The following SYNE1 variants were observed in gnomAD, a reference collection of about 807,000 sequenced individuals.
SYNE1 encodes spectrin repeat containing nuclear envelope protein 1, also known as nesprin-1.
In SYNE1, 616 loss-of-function variants were observed where a neutral mutation model predicts 1,111.0. That is an observed-to-expected ratio of 0.55 (90% CI 0.52 to 0.59). The LOEUF is 0.59. Among genes scored for constraint, SYNE1 ranks in the 20% least tolerant of loss-of-function variants. SYNE1 has a pLI of 0.00. For missense variants in SYNE1, 10,006 were observed against 10,417.0 expected (o/e 0.96, Z 1.72); for synonymous variants, 3,855 against 3,825.8 (o/e 1.01, Z -0.28).
At chr6:152,261,027 T>A (rs1417264653) in intron 101 of SYNE1, among the ~76,000 whole-genome samples, 1 of 152,158 alleles carries the variant, frequency 6.6e-6, no homozygotes, top group Non-Finnish European at 1.5e-5. Context: ...GCGCCTGCTT[T>A]CTAATGCCTA....
intron 130 of SYNE1, among the ~76,000 whole-genome samples, chr6:152,165,603 T>G (rs1005300698): frequency 1.3e-5 from 2 of 152,244 alleles, no homozygotes; most frequent in African/African-American, 4.8e-5. Context: ...TCACAATATA[T>G]TCTTTTGGTA....
chr6:152,432,994 C>T (rs138279677), intron 34 of SYNE1, among the ~76,000 whole-genome samples: 17 of 151,676 alleles, frequency 1.1e-4, no homozygotes, highest in Admixed American at 7.9e-4. Flanking sequence ...CACATGGTAA[C>T]GACTTGTTCT....
At chr6:152,565,364 C>T (rs2099409543) in intron 3 of SYNE1, among the ~76,000 whole-genome samples, 1 of 152,128 alleles carries the variant, frequency 6.6e-6, no homozygotes, top group African/African-American at 2.4e-5. Flanking sequence ...GGCCCACAAC[C>T]TAGTATTCAT....
chr6:152,392,380 C>T (rs1003838820), intron 51 of SYNE1, among the ~76,000 whole-genome samples: 6 of 152,118 alleles, frequency 3.9e-5, no homozygotes, highest in Admixed American at 6.6e-5. Context: ...AAGGGGAAAA[C>T]GTAAGCACTA....
intron 135 of SYNE1, among the ~76,000 whole-genome samples, chr6:152,151,180 C>T (rs373403637): frequency 1.2e-3 from 179 of 151,750 alleles, no homozygotes; most frequent in African/African-American, 4.1e-3. Context: ...CAAGATTGCG[C>T]CACTGCACTT....
intron 127 of SYNE1, among the ~76,000 whole-genome samples, chr6:152,196,165 C>T (rs1206703362): frequency 6.6e-6 from 1 of 152,156 alleles, no homozygotes; most frequent in Non-Finnish European, 1.5e-5. Context: ...GGAACTTACC[C>T]TTCAGGGGAG....
chr6:152,258,192 T>G (rs2091293904), intron 101 of SYNE1, among the ~76,000 whole-genome samples: 1 of 152,196 alleles, frequency 6.6e-6, no homozygotes, highest in African/African-American at 2.4e-5. Flanking sequence ...TAGCTGATAT[T>G]CCCAAACATG....
intron 3 of SYNE1, among the ~76,000 whole-genome samples, chr6:152,552,814 T>C (rs2099351959): frequency 6.6e-6 from 1 of 152,128 alleles, no homozygotes; most frequent in South Asian, 2.1e-4. Flanking sequence ...GCTTCAGATC[T>C]AGCGTGGCGT....
intron 124 of SYNE1, among the ~76,000 whole-genome samples, chr6:152,210,395 T>G (rs1424986611): frequency 6.6e-6 from 1 of 152,218 alleles, no homozygotes; most frequent in Non-Finnish European, 1.5e-5. Context: ...AGATAAAAGT[T>G]AATTGTATTT....
intron 3 of SYNE1, among the ~76,000 whole-genome samples, chr6:152,577,600 T>C (rs1259450421): frequency 6.6e-6 from 1 of 151,958 alleles, no homozygotes; most frequent in East Asian, 1.9e-4. Flanking sequence ...GCCACTGCAC[T>C]CCAGCCTGGG....
In SYNE1 at chr6:152,300,669, A is replaced by C; in HGVS notation, c.17654T>G (p.Val5885Gly). ...SPPACRSPSP[V>G]ANTDASVNQD... ...GTTAACAGAAGCATCTGTATTAGCC[A>C]CAGGTGAAGGGGAGCGACAGGCAGG... Residue 5885 changes from valine to glycine, a missense_variant, in exon 93 of 146, where the codon GTG becomes GGG. Physicochemically the swap from Val to Gly is moderately radical, Grantham distance 109. Around this residue, in one of 7 missense-constraint regions of SYNE1, gnomAD observed 4,955 missense variants for 5,017.2 expected, o/e 0.99. Transcript: ENST00000367255. 2 of 1,614,212 alleles carry C rather than the reference A, an allele frequency of 1.2e-6. No homozygotes were observed. Among genetic ancestry groups the C allele is most frequent in the Non-Finnish European group, 1.7e-6 (2 of 1,180,034 alleles).
chr6:152,291,636 T>C lies in SYNE1; in HGVS notation c.18012+1952A>G, dbSNP rs528306927. ...AACTTGCATTTTCATGTACGAACTC[T>C]GGAAGGGCAGAGCAGGCCACCAGTA... is the stretch of plus-strand genomic sequence containing the variant. On this transcript the variant is annotated intron_variant, in intron 95 of 145. Coordinates refer to ENST00000367255, the MANE Select transcript of SYNE1 (RefSeq NM_182961.4). Among the ~76,000 whole-genome samples the C allele has an allele frequency of 1.8e-4, 28 of 152,262 alleles. No individual in the cohort carries two copies. The South Asian group carries it at 1.9e-3, about 10-fold the overall frequency.
rs1187182305 is a variant in SYNE1, at chr6:152,364,853, C to T, written c.10139G>A (p.Cys3380Tyr). ...TGGCTGTAGTTTCCCTCACCTTTTA[C>T]AACGAATCCCTGCAGACAAAAGGGA... ...WASLLSAGIR[C>Y]KSQLEGALSK... The change falls in exon 63 of 146, where the codon TGT (cysteine) becomes TAT (tyrosine). Residue 3380 changes from cysteine to tyrosine, a missense_variant. By Grantham distance (194) the Cys-to-Tyr change is radical. This residue lies in a region of SYNE1 where 4,955 missense variants were observed against 5,017.2 expected (regional missense o/e 0.99). Transcript: ENST00000367255. The T allele has an allele frequency of 6.2e-7, 1 of 1,614,032 alleles. No individual in the cohort carries two copies. Among genetic ancestry groups the T allele is most frequent in the African/African-American group, 1.3e-5 (1 of 74,916 alleles).
At chr6:152,540,074 T>A (rs1294330054) in intron 3 of SYNE1, 53 bp from the exon 4 acceptor site, 6 of 1,569,692 alleles carry the variant, frequency 3.8e-6, no homozygotes, top group Non-Finnish European at 5.3e-6. Context: ...TGAAGCTGTA[T>A]AATGAGAAAA....
chr6:152,602,874 A>G (rs2099599440), intron 3 of SYNE1, among the ~76,000 whole-genome samples: 1 of 152,214 alleles, frequency 6.6e-6, no homozygotes, highest in South Asian at 2.1e-4. Context: ...TGCCTTTCTG[A>G]GGCAGCAGGA....
At chr6:152,559,910 A>C (rs2099389446) in intron 3 of SYNE1, among the ~76,000 whole-genome samples, 1 of 152,228 alleles carries the variant, frequency 6.6e-6, no homozygotes, top group African/African-American at 2.4e-5. Flanking sequence ...AGGAGATTCA[A>C]ATAAATAAAA....
chr6:152,383,815 C>T (rs190089691), intron 55 of SYNE1, among the ~76,000 whole-genome samples: 1 of 152,168 alleles, frequency 6.6e-6, no homozygotes, highest in Admixed American at 6.5e-5. Context: ...CAACTGCCCC[C>T]AAGACATTAC....
At chr6:152,208,450 T>TA in intron 124 of SYNE1, among the ~76,000 whole-genome samples, 1 of 152,240 alleles carries the variant, frequency 6.6e-6, no homozygotes, top group East Asian at 1.9e-4. Flanking sequence ...TGAAGGCAAA[T>TA]ATACAATAAG....
intron 130 of SYNE1, among the ~76,000 whole-genome samples, chr6:152,172,381 A>G (rs2153097764): frequency 6.6e-6 from 1 of 152,316 alleles, no homozygotes; most frequent in South Asian, 2.1e-4. Context: ...AAACAAAAAG[A>G]TAACAGCCAA....
Sources: gnomAD v4.1 joint callset for allele counts (sites outside exome capture counted in the v4.1 genomes callset) on GRCh38, gnomAD v4.1.1 for gene constraint, gnomAD v4.1.1 regional missense constraint, MANE v1.5 for transcripts, NCBI Gene and HGNC (gene_info 2026-07-23, HGNC 2026-07-21) for gene names.